Variants in DDX60L observed in about 807,000 individuals in gnomAD.
DDX60L encodes the protein DExD/H-box 60 like, also known as probable ATP-dependent RNA helicase DDX60-like.
In DDX60L, 191 loss-of-function variants were observed where a neutral mutation model predicts 211.6. The observed-to-expected ratio is 0.90, with a 90% CI of 0.80 to 1.02. The LOEUF is 1.02. DDX60L is among the 50% of genes least tolerant of loss of function. DDX60L has a pLI of 0.00. For synonymous variants in DDX60L, 706 were observed against 694.1 expected (o/e 1.02, Z -0.27); for missense variants, 2,007 against 1,984.1 (o/e 1.01, Z -0.22).
chr4:168,435,370 G>A (rs986396208), intron 10 of DDX60L, among the ~76,000 whole-genome samples: 5 of 152,196 alleles, frequency 3.3e-5, no homozygotes, highest in African/African-American at 1.2e-4. Context: ...GGATTACAGA[G>A]ATTAATGCCA....
intron 15 of DDX60L, 69 bp from the exon 16 acceptor site, chr4:168,422,739 C>T (rs1750835538): frequency 8.2e-7 from 1 of 1,220,140 alleles, no homozygotes; most frequent in Non-Finnish European, 1.2e-6. Context: ...ATTAAATATC[C>T]ACTGAGCACA....
At chr4:168,405,910 CAATT>C (rs1747669315) in intron 24 of DDX60L, 36 bp downstream of exon 24, 1 of 1,513,580 alleles carries the variant, frequency 6.6e-7, no homozygotes, top group Non-Finnish European at 8.8e-7. Context: ...AAACAATTAA[CAATT>C]AAGTGAAACT....
intron 1 of DDX60L, among the ~76,000 whole-genome samples, chr4:168,477,640 T>G (rs183257260): frequency 1.3e-5 from 2 of 152,328 alleles, no homozygotes; most frequent in Admixed American, 1.3e-4. Context: ...AAACATGGTA[T>G]GTATCTCCAC....
At chr4:168,420,897 G>A (rs1310394495) in intron 17 of DDX60L, among the ~76,000 whole-genome samples, 2 of 152,122 alleles carry the variant, frequency 1.3e-5, no homozygotes, top group African/African-American at 4.8e-5. Context: ...AAGAGCCCAT[G>A]TGGCCTTCTC....
Position 168,406,083 on chromosome 4 carries a change from G to A in DDX60L, c.3085-5C>T, listed in dbSNP as rs1163246578. On this transcript the variant is annotated splice_region_variant and splice_polypyrimidine_tract_variant and intron_variant, in intron 23 of 37. Transcript: ENST00000682922. Reference sequence around the variant, plus strand: ...GAATTCCTCTGGACACAATTCCTTGGGGGGAAAATTATCACAAAATTAAGC... The same window carrying A: ...GAATTCCTCTGGACACAATTCCTTGAGGGGAAAATTATCACAAAATTAAGC... 2 of 1,584,402 alleles carry A rather than the reference G, an allele frequency of 1.3e-6. No homozygotes were observed. The highest frequency in any genetic ancestry group is 1.2e-5 in the South Asian group (1 of 84,836).
chr4:168,475,577 A>T (rs1759363969), intron 1 of DDX60L, among the ~76,000 whole-genome samples: 1 of 152,182 alleles, frequency 6.6e-6, no homozygotes, highest in Non-Finnish European at 1.5e-5. Context: ...ATATTAAAAT[A>T]GCTAACCAAT....
At chr4:168,414,777 G>T (rs1363580924) in intron 22 of DDX60L, among the ~76,000 whole-genome samples, 1 of 152,008 alleles carries the variant, frequency 6.6e-6, no homozygotes, top group Non-Finnish European at 1.5e-5. Context: ...AACTTCACGT[G>T]TTCTAACTTA....
intron 8 of DDX60L, 49 bp downstream of exon 8, chr4:168,453,075 T>G: frequency 1.3e-6 from 2 of 1,529,486 alleles, no homozygotes; most frequent in Non-Finnish European, 1.8e-6. Context: ...AAGGTGATCA[T>G]GGTTTTCATC....
Position 168,479,981 on chromosome 4 carries a change from CAAAAAAAA to C in DDX60L, c.-111+388_-111+395del, listed in dbSNP as rs60737462. Among the ~76,000 whole-genome samples the C allele has an allele frequency of 5.8e-3, 582 of 100,902 alleles. 7 individuals carry two copies. The highest frequency in any genetic ancestry group is 9.1e-3 in the Non-Finnish European group (454 of 49,732). 66.2% of individuals were successfully genotyped at this position (100,902 alleles called of 152,430 possible). ...CCTGGGCGACAGAGCGAGACTGACT[CAAAAAAAA>C]AAAAAAAAAAAAAGCTTAAATACAA... On this transcript the variant is annotated intron_variant, in intron 1 of 37. Transcript: ENST00000682922.
In DDX60L at chr4:168,406,696, T is replaced by C. The variant is rs1747806497; in HGVS notation, c.2990A>G (p.Tyr997Cys). 3 of 1,592,346 alleles carry C rather than the reference T, an allele frequency of 1.9e-6. No individual in the cohort carries two copies. Among genetic ancestry groups the C allele is most frequent in the Non-Finnish European group, 2.6e-6 (3 of 1,170,660 alleles). ...GAGGGTAAGATCAGGTGGGAATCCA[T>C]ACTTTTCAATCTGTGAATAAACAAA... The part of the protein sequence containing the change: ...AALTTDIIEK[Y>C]GFPPDLTLTP... The change falls in exon 23 of 38, where the codon TAT becomes TGT. Residue 997 changes from tyrosine (Y) to cysteine (C), a missense_variant. By Grantham distance (194) the Tyr-to-Cys change is radical. Transcript: ENST00000682922.
At chr4:168,423,041 G>A (rs1246240024) in intron 15 of DDX60L, among the ~76,000 whole-genome samples, 1 of 149,728 alleles carries the variant, frequency 6.7e-6, no homozygotes, top group South Asian at 2.1e-4. Context: ...GGCTGGTCTT[G>A]AACTACTGGG....
chr4:168,453,580 T>C (rs1333304741), intron 7 of DDX60L, among the ~76,000 whole-genome samples: 1 of 152,166 alleles, frequency 6.6e-6, no homozygotes, highest in Non-Finnish European at 1.5e-5. Context: ...CAGAGCCCCA[T>C]GTAAAATGCT....
intron 10 of DDX60L, among the ~76,000 whole-genome samples, chr4:168,435,916 A>C (rs2465250): frequency 0.44 from 67,229 of 151,970 alleles, 15,178 homozygotes; most frequent in South Asian, 0.53. Flanking sequence ...CCATCTCAGC[A>C]AAATTTGTTG....
chr4:168,449,652 C>CAAAAAAAAAAAAAAAAAAAA lies in DDX60L; in HGVS notation c.997-874_997-873insTTTTTTTTTTTTTTTTTTTT. Reference sequence around the variant, plus strand: ...AACATTAAAACAAAAAAAAAAAATGCAAAAAAAAAAAAAGAAAAAAGAAAA... The same window carrying CAAAAAAAAAAAAAAAAAAAA: ...AACATTAAAACAAAAAAAAAAAATGCAAAAAAAAAAAAAAAAAAAAAAAAAAAAAAAAAGAAAAAAGAAAA... On this transcript the variant is annotated intron_variant, in intron 8 of 37. Transcript: ENST00000682922. 4.4e-3 allele frequency among the ~76,000 whole-genome samples: 35 copies of CAAAAAAAAAAAAAAAAAAAA among 7,904 alleles called. 1 individual carries two copies. Among genetic ancestry groups the CAAAAAAAAAAAAAAAAAAAA allele is most frequent in the East Asian group, 0.01 (2 of 194 alleles). 5.2% of individuals were successfully genotyped at this position (7,904 alleles called of 152,430 possible).
At chr4:168,382,926 G>A (rs1407764510) in intron 30 of DDX60L, among the ~76,000 whole-genome samples, 1 of 152,180 alleles carries the variant, frequency 6.6e-6, no homozygotes, top group Non-Finnish European at 1.5e-5. Flanking sequence ...TAGCATTTAT[G>A]TGTTTACTAC....
intron 25 of DDX60L, among the ~76,000 whole-genome samples, chr4:168,403,771 G>A (rs1030418046): frequency 6.6e-6 from 1 of 152,020 alleles, no homozygotes; most frequent in Admixed American, 6.6e-5. Context: ...GGAAGTAAGA[G>A]GGTAATAAGA....
intron 10 of DDX60L, among the ~76,000 whole-genome samples, chr4:168,436,434 C>T (rs1215702123): frequency 2.0e-5 from 3 of 152,156 alleles, no homozygotes; most frequent in South Asian, 2.1e-4. Flanking sequence ...TGAGGTGTGG[C>T]GGTGGGTCTA....
chr4:168,461,574 T>C (rs1389654994), intron 5 of DDX60L, 125 bp downstream of exon 5: 7 of 651,966 alleles, frequency 1.1e-5, no homozygotes. Context: ...CATTATTAAA[T>C]GTATTACCTC....
chr4:168,371,608 T>C lies in DDX60L; in HGVS notation c.4928+4A>G, dbSNP rs6829368. ...ATTTTACAGAAACATACCCATAAAC[T>C]TACCCATTTTTTTGGTCTAATCTTG... On this transcript the variant is annotated splice_donor_region_variant and intron_variant, in intron 36 of 37. Transcript: ENST00000682922. 1,228,984 of 1,536,796 alleles carry C rather than the reference T, an allele frequency of 0.8. 492,617 individuals are homozygous for C. The highest frequency in any genetic ancestry group is 0.88 in the African/African-American group (64,089 of 72,580).
Sources: allele counts gnomAD v4.1 joint callset (sites outside exome capture counted in the v4.1 genomes callset), GRCh38; gene constraint gnomAD v4.1.1; transcripts MANE v1.5; gene names NCBI Gene and HGNC (gene_info 2026-07-23, HGNC 2026-07-21).